Variants in FMNL2 observed in about 807,000 individuals in gnomAD.
FMNL2 encodes the protein formin-like protein 2.
Under a neutral mutation model 130.2 loss-of-function variants are expected in FMNL2, and 51 were observed. The ratio of observed to expected loss-of-function variants is 0.39; its 90% CI spans 0.31 to 0.49. The LOEUF is 0.49. FMNL2 is among the 20% of genes least tolerant of loss of function. FMNL2 has a pLI of 0.85. For missense variants in FMNL2, 977 were observed against 1,316.2 expected (o/e 0.74, Z 3.99); for synonymous variants, 465 against 467.1 (o/e 1.00, Z 0.06).
At chr2:152,526,798 G>T (rs1693412378) in intron 2 of FMNL2, among the ~76,000 whole-genome samples, 1 of 151,672 alleles carries the variant, frequency 6.6e-6, no homozygotes, top group South Asian at 2.1e-4. Context: ...CAGATTTTTT[G>T]TTTGGTATTT....
At chr2:152,549,298 G>T (rs1042970303) in intron 4 of FMNL2, among the ~76,000 whole-genome samples, 1 of 152,174 alleles carries the variant, frequency 6.6e-6, no homozygotes, top group African/African-American at 2.4e-5. Flanking sequence ...CCTTGATGTG[G>T]AATTTATAAC....
chr2:152,456,171 A>G (rs1179324727), intron 1 of FMNL2, among the ~76,000 whole-genome samples: 1 of 152,264 alleles, frequency 6.6e-6, no homozygotes, highest in Non-Finnish European at 1.5e-5. Flanking sequence ...CTAAAGGTGT[A>G]AATTTATTTG....
At chr2:152,478,248 ATAT>A (rs139643870) in intron 1 of FMNL2, among the ~76,000 whole-genome samples, 17,039 of 75,368 alleles carry the variant, frequency 0.23, 752 homozygotes, top group South Asian at 0.27. Context: ...ATATATATAT[ATAT>A]TTTTTTTTTT....
intron 1 of FMNL2, among the ~76,000 whole-genome samples, chr2:152,489,537 A>T (rs892724604): frequency 2.0e-5 from 3 of 152,232 alleles, no homozygotes; most frequent in Non-Finnish European, 4.4e-5. Context: ...AGAAGGAGCA[A>T]GATTAACAGA....
intron 1 of FMNL2, among the ~76,000 whole-genome samples, chr2:152,510,510 T>C (rs922021827): frequency 6.6e-6 from 1 of 152,208 alleles, no homozygotes; most frequent in Non-Finnish European, 1.5e-5. Flanking sequence ...TTAAGGAGTT[T>C]AGCAGTTTAA....
rs773618962 is a variant in FMNL2, at chr2:152,637,830, G to A, written c.2946+156G>A. ...AGCAGTCCCTAGCTCTGTGGAGGCT[G>A]AGGGACATTATGGTCCCTTTCTCCA... On this transcript the variant is annotated intron_variant, in intron 23 of 25. Transcript: ENST00000288670. Among the ~76,000 whole-genome samples the A allele has an allele frequency of 1.3e-5, 2 of 152,182 alleles. 1 individual carries two copies. Among genetic ancestry groups the A allele is most frequent in the South Asian group, 4.1e-4 (2 of 4,830 alleles).
chr2:152,427,957 C>T (rs779638337), intron 1 of FMNL2, among the ~76,000 whole-genome samples: 1 of 152,202 alleles, frequency 6.6e-6, no homozygotes, highest in Non-Finnish European at 1.5e-5. Context: ...CATAGGATTA[C>T]ATTCAGTGTA....
Position 152,619,536 on chromosome 2 carries a change from T to C in FMNL2, c.1655T>C (p.Met552Thr). The C allele has an allele frequency of 1.3e-6, 2 of 1,504,992 alleles. No individual in the cohort carries two copies. Among genetic ancestry groups the C allele is most frequent in the South Asian group, 1.2e-5 (1 of 82,088 alleles). The allele number at this position is 1,504,992 out of a possible 1,614,324, so 93.2% of individuals were successfully genotyped here. ...CAAAATGGTCCAGTAACACCACCTA[T>C]GCCACCGCCGCCGCCGCCCCCTCCT... Reference protein sequence around the residue: ...TVQNGPVTPPMPPPPPPPPPP... With the variant: ...TVQNGPVTPPTPPPPPPPPPP... Residue 552 changes from methionine to threonine, a missense_variant, in exon 15 of 26, where the codon ATG (methionine) becomes ACG (threonine). By Grantham distance (81) the Met-to-Thr change is moderately conservative. Transcript: ENST00000288670.
At chr2:152,569,850 A>G (rs1696077781) in intron 6 of FMNL2, among the ~76,000 whole-genome samples, 1 of 151,932 alleles carries the variant, frequency 6.6e-6, no homozygotes, top group South Asian at 2.1e-4. Flanking sequence ...CTCTACTAAA[A>G]ATACAAAAAA....
rs539896493 is a variant in FMNL2 at position 152,572,794 on chromosome 2, GTT to G, written c.597-2328_597-2327del. 3.1e-3 allele frequency among the ~76,000 whole-genome samples: 430 copies of G among 138,100 alleles called. 2 individuals carry two copies. The highest frequency in any genetic ancestry group is 0.011 in the African/African-American group (419 of 38,438). 90.6% of individuals were successfully genotyped at this position (138,100 alleles called of 152,430 possible). On this transcript the variant is annotated intron_variant, in intron 6 of 25. Coordinates refer to ENST00000288670, the MANE Select transcript of FMNL2 (RefSeq NM_052905.4). ...TGCGTTGGAGCTGAATTCAAAACCTGTTTTTTTTTTTTTTTAAAGTAGTCATT... is the reference window on the plus strand; with the variant it reads ...TGCGTTGGAGCTGAATTCAAAACCTGTTTTTTTTTTTTTAAAGTAGTCATT...
chr2:152,407,889 A>C (rs937768734), intron 1 of FMNL2, among the ~76,000 whole-genome samples: 20 of 152,244 alleles, frequency 1.3e-4, no homozygotes, highest in Non-Finnish European at 2.6e-4. Flanking sequence ...GTAGGTACTC[A>C]GTAGCTGAAA....
Position 152,453,762 on chromosome 2 carries a change from A to G in FMNL2, c.118-68181A>G, listed in dbSNP as rs139363071. On this transcript the variant is annotated intron_variant, in intron 1 of 25. Coordinates refer to ENST00000288670, the MANE Select transcript of FMNL2 (RefSeq NM_052905.4). Reference sequence around the variant, plus strand: ...CTGTCTGCGAGGGCACAGCCATTATAAGCAGAGAGTGAAAAGGGAGATTGT... The same window carrying G: ...CTGTCTGCGAGGGCACAGCCATTATGAGCAGAGAGTGAAAAGGGAGATTGT... Among the ~76,000 whole-genome samples the G allele has an allele frequency of 1.3e-3, 204 of 152,324 alleles. 1 individual carries two copies. The highest frequency in any genetic ancestry group is 6.8e-3 in the Middle Eastern group (2 of 294).
chr2:152,591,842 C>A (rs972454207), intron 9 of FMNL2, among the ~76,000 whole-genome samples: 1 of 152,000 alleles, frequency 6.6e-6, no homozygotes. Context: ...CGGTGGCTAA[C>A]GCCTGTAATC....
chr2:152,391,428 A>G (rs773560200), intron 1 of FMNL2, among the ~76,000 whole-genome samples: 39 of 152,194 alleles, frequency 2.6e-4, no homozygotes, highest in Non-Finnish European at 5.3e-4. Flanking sequence ...TTGAGTGGAA[A>G]TGCATAGAGA....
chr2:152,552,796 G>T (rs1293136380), intron 4 of FMNL2, among the ~76,000 whole-genome samples: 2 of 152,192 alleles, frequency 1.3e-5, no homozygotes, highest in Admixed American at 1.3e-4. Context: ...CAGATGCCAT[G>T]GTGCTTAAGA....
At chr2:152,422,866 A>G (rs1219254278) in intron 1 of FMNL2, among the ~76,000 whole-genome samples, 2 of 152,120 alleles carry the variant, frequency 1.3e-5, no homozygotes, top group African/African-American at 4.8e-5. Context: ...TGGTGCCACC[A>G]TTGCCACAAT....
At chr2:152,532,576 G>A (rs1034281110) in intron 2 of FMNL2, among the ~76,000 whole-genome samples, 2 of 149,892 alleles carry the variant, frequency 1.3e-5, no homozygotes, top group African/African-American at 4.9e-5. Context: ...GATCTGCTCT[G>A]TTCAAATCTT....
At chr2:152,645,561 C>G (rs1683477286) in intron 25 of FMNL2, 2 of 1,219,044 alleles carry the variant, frequency 1.6e-6, no homozygotes, top group South Asian at 2.5e-5. Flanking sequence ...TTCCTCCTCT[C>G]TCTGTATGCA....
At chr2:152,460,806 C>T (rs1299546821) in intron 1 of FMNL2, among the ~76,000 whole-genome samples, 1 of 152,204 alleles carries the variant, frequency 6.6e-6, no homozygotes, top group Non-Finnish European at 1.5e-5. Context: ...CTGTTACCGT[C>T]TCCCATCACC....
Sources: allele counts gnomAD v4.1 joint callset (sites outside exome capture counted in the v4.1 genomes callset), GRCh38; gene constraint gnomAD v4.1.1; transcripts MANE v1.5; gene names NCBI Gene and HGNC (gene_info 2026-07-23, HGNC 2026-07-21).